SDK1: variants seen among roughly 807,000 people sequenced by gnomAD.
The protein encoded by SDK1 is sidekick cell adhesion molecule 1, also known as protein sidekick-1.
SDK1 carries 157 observed loss-of-function variants against 245.5 expected under a neutral mutation model. The observed-to-expected ratio is 0.64, with a 90% CI of 0.56 to 0.73. The LOEUF is 0.73. SDK1 is among the 30% of genes least tolerant of loss of function. The pLI is 0.00. For synonymous variants in SDK1, 1,647 were observed against 1,278.5 expected (o/e 1.29, Z -6.15); for missense variants, 3,583 against 3,002.3 (o/e 1.19, Z -4.52).
At chr7:3,787,294 A>G (rs1271450159) in intron 4 of SDK1, among the ~76,000 whole-genome samples, 1 of 152,068 alleles carries the variant, frequency 6.6e-6, no homozygotes, top group African/African-American at 2.4e-5. Context: ...TGACAAAATT[A>G]TTTTTTCTAT....
chr7:4,166,282 C>T (rs1472756128), intron 32 of SDK1, among the ~76,000 whole-genome samples: 1 of 152,248 alleles, frequency 6.6e-6, no homozygotes, highest in African/African-American at 2.4e-5. Context: ...TTGTGCCACC[C>T]ACAGAGGACC....
intron 5 of SDK1, among the ~76,000 whole-genome samples, chr7:3,885,806 A>T (rs190310230): frequency 1.3e-5 from 2 of 152,316 alleles, no homozygotes; most frequent in Non-Finnish European, 2.9e-5. Flanking sequence ...GTTTCCTCCC[A>T]AAGTTCAAAA....
At chr7:3,693,202 G>T (rs1583313820) in intron 4 of SDK1, among the ~76,000 whole-genome samples, 1 of 152,072 alleles carries the variant, frequency 6.6e-6, no homozygotes, top group South Asian at 2.1e-4. Flanking sequence ...AGACTGTGTG[G>T]TTATATAAAC....
chr7:3,411,981 G>C (rs1191802796), intron 1 of SDK1, among the ~76,000 whole-genome samples: 2 of 152,120 alleles, frequency 1.3e-5, no homozygotes, highest in Non-Finnish European at 2.9e-5. Context: ...ACAAAGAAAA[G>C]GAGATTTGAT....
At chr7:3,981,524 G>A (rs995329740) in intron 13 of SDK1, among the ~76,000 whole-genome samples, 5 of 152,190 alleles carry the variant, frequency 3.3e-5, no homozygotes, top group Admixed American at 2.0e-4. Context: ...CAAAAGCCAG[G>A]CCTCTTGCCC....
intron 5 of SDK1, among the ~76,000 whole-genome samples, chr7:3,908,672 C>T (rs796317034): frequency 7.2e-5 from 11 of 152,272 alleles, no homozygotes; most frequent in African/African-American, 2.2e-4. Context: ...GTCTTTTCCT[C>T]CAAATCCTCT....
At chr7:3,991,697 T>C (rs1179235744) in intron 14 of SDK1, among the ~76,000 whole-genome samples, 1 of 152,154 alleles carries the variant, frequency 6.6e-6, no homozygotes, top group Non-Finnish European at 1.5e-5. Context: ...GTGGGTATTG[T>C]GGCATGCAGA....
intron 4 of SDK1, among the ~76,000 whole-genome samples, chr7:3,797,504 T>A (rs972768835): frequency 1.3e-4 from 20 of 151,524 alleles, no homozygotes; most frequent in Non-Finnish European, 1.5e-5. Context: ...CAGTTTTTAT[T>A]GCCGATGTTT....
chr7:3,472,961 G>A (rs577845403), intron 1 of SDK1, among the ~76,000 whole-genome samples: 18 of 152,314 alleles, frequency 1.2e-4, no homozygotes, highest in African/African-American at 3.6e-4. Flanking sequence ...ACACAGACCA[G>A]TGGTCTGCTA....
intron 44 of SDK1, among the ~76,000 whole-genome samples, chr7:4,250,640 C>T (rs539450407): frequency 2.0e-5 from 3 of 152,148 alleles, no homozygotes; most frequent in Non-Finnish European, 2.9e-5. Context: ...CCACTGTGCC[C>T]GGCCAGGAAG....
intron 42 of SDK1, among the ~76,000 whole-genome samples, chr7:4,239,050 T>C (rs1352816526): frequency 2.6e-5 from 4 of 152,232 alleles, no homozygotes; most frequent in African/African-American, 9.7e-5. Context: ...GTCCGTGGTC[T>C]AGCTCTGAGC....
At chr7:3,548,375 A>G (rs975506558) in intron 1 of SDK1, among the ~76,000 whole-genome samples, 5 of 152,240 alleles carry the variant, frequency 3.3e-5, no homozygotes, top group African/African-American at 1.2e-4. Context: ...TAATAGAGGT[A>G]GGTCTTAAAC....
Position 3,557,169 on chromosome 7 carries a change from G to A in SDK1, c.299-61911G>A, listed in dbSNP as rs533588228. Among the ~76,000 whole-genome samples the A allele has an allele frequency of 2.6e-5, 4 of 152,002 alleles. No homozygotes were observed. In the South Asian group the frequency reaches 6.2e-4, roughly 24 times the overall value. ...AAAAAAATCAATGTATCAAAAACCT[G>A]GTCCTTTAAAAACTTTAATAAAATT... On this transcript the variant is annotated intron_variant, in intron 1 of 44. Transcript: ENST00000404826.
chr7:3,524,611 C>G (rs934354240), intron 1 of SDK1, among the ~76,000 whole-genome samples: 1 of 152,000 alleles, frequency 6.6e-6, no homozygotes, highest in Non-Finnish European at 1.5e-5. Flanking sequence ...AAGGATAACC[C>G]CAACGTTTTT....
intron 14 of SDK1, among the ~76,000 whole-genome samples, chr7:4,005,496 A>T (rs1403001490): frequency 6.6e-6 from 1 of 150,838 alleles, no homozygotes; most frequent in Non-Finnish European, 1.5e-5. Flanking sequence ...GGCACATGAC[A>T]CCAGCTGCCC....
At chr7:3,578,496 A>G (rs985321924) in intron 1 of SDK1, among the ~76,000 whole-genome samples, 7 of 152,026 alleles carry the variant, frequency 4.6e-5, no homozygotes, top group African/African-American at 9.7e-5. Flanking sequence ...TCTGACCTCA[A>G]ATTTACTAGT....
intron 4 of SDK1, among the ~76,000 whole-genome samples, chr7:3,764,556 C>A (rs908566536): frequency 1.3e-5 from 2 of 152,046 alleles, no homozygotes; most frequent in Non-Finnish European, 2.9e-5. Context: ...CATGGTGGCC[C>A]TTGTAATCCC....
intron 17 of SDK1, among the ~76,000 whole-genome samples, chr7:4,048,883 T>C (rs1007839816): frequency 1.3e-5 from 2 of 152,184 alleles, no homozygotes; most frequent in Non-Finnish European, 2.9e-5. Flanking sequence ...TCCAACAGCA[T>C]ATATGGGACA....
At chr7:3,417,186 TAAC>T (rs1348215648) in intron 1 of SDK1, among the ~76,000 whole-genome samples, 1 of 151,858 alleles carries the variant, frequency 6.6e-6, no homozygotes, top group East Asian at 1.9e-4. Context: ...AAACAAAAAA[TAAC>T]AAAAAAACTA....
Sources: gnomAD v4.1 joint callset for allele counts (sites outside exome capture counted in the v4.1 genomes callset) on GRCh38, gnomAD v4.1.1 for gene constraint, MANE v1.5 for transcripts, NCBI Gene and HGNC (gene_info 2026-07-23, HGNC 2026-07-21) for gene names.